Variants in TAFA1 observed in about 807,000 individuals in gnomAD.
TAFA1 encodes TAFA chemokine like family member 1, also known as chemokine-like protein TAFA-1.
A neutral mutation model predicts 18.5 loss-of-function variants in TAFA1; 4 were observed. That is an observed-to-expected ratio of 0.22 (90% CI 0.11 to 0.49). The LOEUF is 0.49. Ranked by LOEUF, TAFA1 falls within the 20% of genes least tolerant of loss-of-function variation. The pLI is 0.98. For missense variants in TAFA1, 147 were observed against 169.0 expected (o/e 0.87, Z 0.72); for synonymous variants, 56 against 55.2 (o/e 1.01, Z -0.06).
At chr3:68,347,617 C>T (rs781308472) in intron 2 of TAFA1, among the ~76,000 whole-genome samples, 2 of 152,148 alleles carry the variant, frequency 1.3e-5, no homozygotes, top group Non-Finnish European at 2.9e-5. Context: ...AATGAATGAC[C>T]ATGGTTGTGC....
At chr3:68,011,669 T>G (rs568694440) in intron 2 of TAFA1, among the ~76,000 whole-genome samples, 1 of 152,302 alleles carries the variant, frequency 6.6e-6, no homozygotes, top group African/African-American at 2.4e-5. Flanking sequence ...GGTCGCATAT[T>G]GGCTCTTTAA....
chr3:68,410,726 A>T (rs1393669000), intron 2 of TAFA1, among the ~76,000 whole-genome samples: 1 of 148,738 alleles, frequency 6.7e-6, no homozygotes, highest in Non-Finnish European at 1.5e-5. Context: ...AAAAAAAAAA[A>T]AAAAAAAGGA....
At chr3:68,033,041 G>A (rs1704971253) in intron 2 of TAFA1, among the ~76,000 whole-genome samples, 1 of 152,036 alleles carries the variant, frequency 6.6e-6, no homozygotes, top group South Asian at 2.1e-4. Context: ...AATGGTTGAA[G>A]GAAAATATAT....
At chr3:68,234,964 T>G (rs1300693222) in intron 2 of TAFA1, among the ~76,000 whole-genome samples, 1 of 152,176 alleles carries the variant, frequency 6.6e-6, no homozygotes, top group African/African-American at 2.4e-5. Flanking sequence ...GGAGCACAGA[T>G]GAACTCCATT....
At chr3:68,522,679 T>A (rs1428776563) in intron 3 of TAFA1, among the ~76,000 whole-genome samples, 89 of 131,078 alleles carry the variant, frequency 6.8e-4, no homozygotes, top group Middle Eastern at 0.01. Context: ...TGAAACCCCG[T>A]TTCTACTAAA....
chr3:68,310,998 C>T (rs2068507011), intron 2 of TAFA1, among the ~76,000 whole-genome samples: 1 of 152,178 alleles, frequency 6.6e-6, no homozygotes, highest in Admixed American at 6.5e-5. Context: ...CTTACAGTTC[C>T]ACATGGCTGG....
intron 2 of TAFA1, among the ~76,000 whole-genome samples, chr3:68,195,561 T>C (rs1251046539): frequency 6.6e-6 from 1 of 151,268 alleles, no homozygotes; most frequent in Non-Finnish European, 1.5e-5. Context: ...TGTCACAACC[T>C]GTTTTGCTCC....
At chr3:68,358,865 G>C (rs935876885) in intron 2 of TAFA1, among the ~76,000 whole-genome samples, 8 of 138,576 alleles carry the variant, frequency 5.8e-5, no homozygotes, top group African/African-American at 2.1e-4. Flanking sequence ...CCAATTGAGT[G>C]ATCTGAATTG....
At chr3:68,136,592 C>T (rs752230861) in intron 2 of TAFA1, among the ~76,000 whole-genome samples, 1 of 152,160 alleles carries the variant, frequency 6.6e-6, no homozygotes, top group Non-Finnish European at 1.5e-5. Flanking sequence ...CTTCACAGGG[C>T]GCATTCGTTG....
intron 3 of TAFA1, among the ~76,000 whole-genome samples, chr3:68,435,163 G>C (rs1254346317): frequency 6.6e-6 from 1 of 152,042 alleles, no homozygotes; most frequent in Admixed American, 6.6e-5. Flanking sequence ...TCCAGTCTGG[G>C]ACTCTAAGTG....
At chr3:68,528,455 G>A (rs1255985659) in intron 3 of TAFA1, among the ~76,000 whole-genome samples, 1 of 152,192 alleles carries the variant, frequency 6.6e-6, no homozygotes, top group Admixed American at 6.5e-5. Context: ...GAAAAGCGAA[G>A]TTTGAAATAA....
chr3:68,052,737 C>A (rs986769327), intron 2 of TAFA1, among the ~76,000 whole-genome samples: 2 of 152,170 alleles, frequency 1.3e-5, no homozygotes, highest in Non-Finnish European at 2.9e-5. Flanking sequence ...ACAACATCCT[C>A]TATCTGACTC....
At chr3:68,006,336 T>A (rs968704640) in intron 1 of TAFA1, 4 of 331,602 alleles carry the variant, frequency 1.2e-5, no homozygotes, top group Admixed American at 3.8e-5. Context: ...TTAGTCAGCA[T>A]GCATTGTTTT....
At chr3:68,245,165 C>T (rs987817608) in intron 2 of TAFA1, among the ~76,000 whole-genome samples, 1 of 152,216 alleles carries the variant, frequency 6.6e-6, no homozygotes, top group African/African-American at 2.4e-5. Flanking sequence ...GACATATTAT[C>T]TATGTCCACT....
chr3:68,524,275 A>C (rs2073072315), intron 3 of TAFA1, among the ~76,000 whole-genome samples: 1 of 152,104 alleles, frequency 6.6e-6, no homozygotes, highest in African/African-American at 2.4e-5. Context: ...AAGAGCAGTA[A>C]GCCCCAATAC....
At chr3:68,438,934 T>C (rs2071314793) in intron 3 of TAFA1, among the ~76,000 whole-genome samples, 1 of 152,100 alleles carries the variant, frequency 6.6e-6, no homozygotes, top group African/African-American at 2.4e-5. Flanking sequence ...CAAGCCCATG[T>C]AGAGAGTGTC....
chr3:68,106,781 C>T (rs894507629), intron 2 of TAFA1, among the ~76,000 whole-genome samples: 1 of 151,846 alleles, frequency 6.6e-6, no homozygotes, highest in African/African-American at 2.4e-5. Flanking sequence ...GAACATATAC[C>T]TCAACAAAAA....
intron 3 of TAFA1, among the ~76,000 whole-genome samples, chr3:68,526,873 AG>A (rs1004557192): frequency 1.3e-5 from 2 of 152,160 alleles, no homozygotes; most frequent in African/African-American, 4.8e-5. Context: ...AAAAAAATAA[AG>A]GTTTTTTAAG....
upstream of TAFA1, among the ~76,000 whole-genome samples, chr3:68,001,853 G>T (rs1239641003): frequency 6.6e-6 from 1 of 152,196 alleles, no homozygotes; most frequent in African/African-American, 2.4e-5. Context: ...ATCCATTAAA[G>T]ATTGGTAGGG....
Sources: allele counts gnomAD v4.1 joint callset (sites outside exome capture counted in the v4.1 genomes callset), GRCh38; gene constraint gnomAD v4.1.1; transcripts MANE v1.5; gene names NCBI Gene and HGNC (gene_info 2026-07-23, HGNC 2026-07-21).